Variants in EEFSEC observed in about 807,000 individuals in gnomAD.
EEFSEC encodes the protein selenocysteine-specific elongation factor.
Under a neutral mutation model 42.1 loss-of-function variants are expected in EEFSEC, and 43 were observed. The ratio of observed to expected loss-of-function variants is 1.02; its 90% CI spans 0.80 to 1.32. The LOEUF (loss-of-function observed/expected upper bound fraction) is 1.32. Among genes scored for constraint, EEFSEC ranks in the 40% most tolerant of loss-of-function variants. EEFSEC has a pLI of 0.00. For synonymous variants in EEFSEC, 354 were observed against 339.1 expected (o/e 1.04, Z -0.48); for missense variants, 745 against 803.6 (o/e 0.93, Z 0.88).
intron 4 of EEFSEC, among the ~76,000 whole-genome samples, chr3:128,295,064 G>A (rs1427035082): frequency 4.6e-5 from 7 of 152,198 alleles, no homozygotes; most frequent in East Asian, 1.9e-4. Context: ...GTGTTTGTCC[G>A]TTGCTGGAAT....
intron 4 of EEFSEC, among the ~76,000 whole-genome samples, chr3:128,338,679 G>A (rs1024729240): frequency 3.9e-5 from 6 of 152,206 alleles, no homozygotes; most frequent in African/African-American, 1.4e-4. Context: ...GGGTTGGGGA[G>A]AATGTGGGGC....
At chr3:128,310,326 A>G (rs981910249) in intron 4 of EEFSEC, among the ~76,000 whole-genome samples, 3 of 152,144 alleles carry the variant, frequency 2.0e-5, no homozygotes, top group Non-Finnish European at 4.4e-5. Flanking sequence ...ACATACAACC[A>G]TCTCCGCATC....
At chr3:128,372,837 G>A (rs1391101139) in intron 6 of EEFSEC, among the ~76,000 whole-genome samples, 1 of 152,182 alleles carries the variant, frequency 6.6e-6, no homozygotes, top group Non-Finnish European at 1.5e-5. Context: ...AAGGGTGCTG[G>A]GCCCCTGACT....
In EEFSEC at chr3:128,199,083, C is replaced by T. The variant is rs549739678; in HGVS notation, c.316+45260C>T. ...CTGACCTCAGGTGATCCGCCTGCCT[C>T]GGTCTCCCAAAGTGCTGGGATTACA... On this transcript the variant is annotated intron_variant, in intron 1 of 6. Transcript: ENST00000254730. 2.6e-5 allele frequency among the ~76,000 whole-genome samples: 4 copies of T among 152,310 alleles called. No homozygotes were observed. In the South Asian group the frequency reaches 6.2e-4, roughly 24 times the overall value.
intron 4 of EEFSEC, among the ~76,000 whole-genome samples, chr3:128,294,238 G>A (rs931685660): frequency 6.6e-6 from 1 of 152,164 alleles, no homozygotes; most frequent in Admixed American, 6.5e-5. Context: ...GGTCCCCTAG[G>A]GCTAGGGTGG....
chr3:128,407,980 G>C lies in EEFSEC; in HGVS notation c.1601-89G>C, dbSNP rs112621397. 6.8e-5 allele frequency: 86 copies of C among 1,263,972 alleles called. No individual in the cohort carries two copies. The East Asian group carries it at 1.2e-3, about 17-fold the overall frequency. 78.3% of individuals were successfully genotyped at this position (1,263,972 alleles called of 1,614,324 possible). A position where few individuals can be genotyped will look rare whatever the true frequency, so the allele number is the denominator to read the frequency against. Reference sequence around the variant, plus strand: ...TTGGCTAGGGAGGGAGGCAGAAGAGGGGTGAGTCTAGGCAGCAGGTGCGCG... The same window carrying C: ...TTGGCTAGGGAGGGAGGCAGAAGAGCGGTGAGTCTAGGCAGCAGGTGCGCG... On this transcript the variant is annotated intron_variant, in intron 6 of 6. Transcript: ENST00000254730.
At chr3:128,186,245 A>G (rs993503332) in intron 1 of EEFSEC, among the ~76,000 whole-genome samples, 4 of 152,200 alleles carry the variant, frequency 2.6e-5, no homozygotes, top group African/African-American at 4.8e-5. Context: ...AGAAATGCCT[A>G]TTCAGCTCTT....
At chr3:128,262,897 C>T (rs1001070452) in intron 3 of EEFSEC, among the ~76,000 whole-genome samples, 3 of 152,166 alleles carry the variant, frequency 2.0e-5, no homozygotes, top group Admixed American at 6.5e-5. Flanking sequence ...CAGGACAGTT[C>T]AGCCGGGTGG....
At chr3:128,199,495 ACT>A (rs1345592861) in intron 1 of EEFSEC, among the ~76,000 whole-genome samples, 3 of 151,990 alleles carry the variant, frequency 2.0e-5, no homozygotes, top group African/African-American at 4.8e-5. Context: ...GTTCAAATTC[ACT>A]CTGTTTAGTG....
chr3:128,408,328 A>C lies in EEFSEC; in HGVS notation c.*69A>C. 1 of 1,446,786 alleles carries C rather than the reference A, an allele frequency of 6.9e-7. No homozygotes were observed. The highest frequency in any genetic ancestry group is 1.9e-4 in the Middle Eastern group (1 of 5,322). 89.6% of individuals were successfully genotyped at this position (1,446,786 alleles called of 1,614,324 possible). A position where few individuals can be genotyped will look rare whatever the true frequency, so the allele number is the denominator to read the frequency against. ...CAGGCTGCTGTGCCAAATCCCAACC[A>C]GCCACGCCTCAGCCTCTCCCAGTCT... On this transcript the variant is annotated 3_prime_UTR_variant, in exon 7 of 7. Transcript: ENST00000254730.
intron 6 of EEFSEC, among the ~76,000 whole-genome samples, chr3:128,386,109 A>C (rs1358952645): frequency 2.0e-5 from 3 of 152,226 alleles, no homozygotes; most frequent in Non-Finnish European, 4.4e-5. Flanking sequence ...TGACTAAAGA[A>C]ATCTTTAGTA....
At chr3:128,259,658 G>C (rs546641919) in intron 2 of EEFSEC, among the ~76,000 whole-genome samples, 1 of 152,098 alleles carries the variant, frequency 6.6e-6, no homozygotes, top group African/African-American at 2.4e-5. Flanking sequence ...CTCATTCTCT[G>C]TGCGCCACCA....
chr3:128,399,004 C>T (rs2068016091), intron 6 of EEFSEC, among the ~76,000 whole-genome samples: 1 of 152,028 alleles, frequency 6.6e-6, no homozygotes, highest in Non-Finnish European at 1.5e-5. Context: ...GGCTGCCCCT[C>T]CCTGTATAAT....
intron 6 of EEFSEC, among the ~76,000 whole-genome samples, chr3:128,385,360 G>A (rs1015591780): frequency 4.6e-5 from 7 of 152,296 alleles, no homozygotes; most frequent in African/African-American, 1.7e-4. Context: ...CTGTCTGAAG[G>A]GGCAGCCTGT....
chr3:128,206,397 T>C (rs373450736), intron 1 of EEFSEC, among the ~76,000 whole-genome samples: 3 of 152,200 alleles, frequency 2.0e-5, no homozygotes, highest in East Asian at 1.9e-4. Context: ...GTTTTGAACT[T>C]GAATCTAGGC....
intron 4 of EEFSEC, among the ~76,000 whole-genome samples, chr3:128,287,401 G>T (rs991859153): frequency 6.6e-6 from 1 of 152,176 alleles, no homozygotes; most frequent in Non-Finnish European, 1.5e-5. Context: ...TGTACTAAAT[G>T]GGAGAGAGTG....
intron 1 of EEFSEC, among the ~76,000 whole-genome samples, chr3:128,172,010 C>A (rs940573367): frequency 6.6e-6 from 1 of 152,116 alleles, no homozygotes; most frequent in Non-Finnish European, 1.5e-5. Flanking sequence ...TGAAAATACT[C>A]TGTCATTTTA....
chr3:128,423,955 G>A, the EEFSEC span, among the ~76,000 whole-genome samples: 3 of 152,204 alleles, frequency 2.0e-5, no homozygotes, highest in Non-Finnish European at 4.4e-5. Flanking sequence ...GGTGGGTAGG[G>A]AACAGAGGCC....
chr3:128,250,528 T>C (rs2955090), intron 2 of EEFSEC, among the ~76,000 whole-genome samples: 127,831 of 152,188 alleles, frequency 0.84, 54,163 homozygotes, highest in East Asian at 0.99. Context: ...CTTTTAACTT[T>C]GTAAAAAATC....
Sources: allele counts gnomAD v4.1 joint callset (sites outside exome capture counted in the v4.1 genomes callset), GRCh38; gene constraint gnomAD v4.1.1; transcripts MANE v1.5; gene names NCBI Gene and HGNC (gene_info 2026-07-23, HGNC 2026-07-21).